The following GABRG3 variants were observed in gnomAD, a reference collection of about 807,000 sequenced individuals.
GABRG3 encodes gamma-aminobutyric acid type A receptor subunit gamma3, also known as gamma-aminobutyric acid receptor subunit gamma-3.
GABRG3 carries 25 observed loss-of-function variants against 48.8 expected under a neutral mutation model. That is an observed-to-expected ratio of 0.51 (90% CI 0.37 to 0.72). GABRG3 has a LOEUF of 0.72. Among genes scored for constraint, GABRG3 ranks in the 30% least tolerant of loss-of-function variants. GABRG3 has a pLI of 0.00. For missense variants in GABRG3, 394 were observed against 577.9 expected (o/e 0.68, Z 3.26); for synonymous variants, 227 against 217.6 (o/e 1.04, Z -0.38).
At chr15:27,412,773 T>C (rs539014307) in intron 5 of GABRG3, among the ~76,000 whole-genome samples, 17 of 152,312 alleles carry the variant, frequency 1.1e-4, no homozygotes, top group Admixed American at 1.1e-3. Context: ...AGTAAAGGAC[T>C]AGGATTTTGT....
rs567528863 is a variant in GABRG3 at position 27,180,055 on chromosome 15, C to T, written c.271-146754C>T. On this transcript the variant is annotated intron_variant, in intron 3 of 9. Transcript: ENST00000615808. This position sits in a 1 kb window ranked among gnomAD's most constrained non-coding sequence, Gnocchi z 4.2. ...GCCTTCTGCAGAGCCACTGCCTGATCGAACATCTCTGTGAGTCTTGGCCTT... is the reference window on the plus strand; with the variant it reads ...GCCTTCTGCAGAGCCACTGCCTGATTGAACATCTCTGTGAGTCTTGGCCTT... 3.3e-5 allele frequency among the ~76,000 whole-genome samples: 5 copies of T among 152,252 alleles called. No individual in the cohort carries two copies. Among genetic ancestry groups the T allele is most frequent in the African/African-American group, 1.2e-4 (5 of 41,536 alleles).
chr15:27,236,183 C>T lies in GABRG3; in HGVS notation c.271-90626C>T, dbSNP rs1889958178. ...TTTTCTGTAAACCGTGTCCGGCGTA[C>T]ATGGAAGCATCTCAGGAGGAAGCCT... On this transcript the variant is annotated intron_variant, in intron 3 of 9. Coordinates refer to ENST00000615808, the MANE Select transcript of GABRG3 (RefSeq NM_033223.5). This position sits in a 1 kb window ranked among gnomAD's most constrained non-coding sequence, Gnocchi z 4.4. Among the ~76,000 whole-genome samples, 1 of 152,166 alleles carries T rather than the reference C, an allele frequency of 6.6e-6. No individual in the cohort carries two copies. The highest frequency in any genetic ancestry group is 6.5e-5 in the Admixed American group (1 of 15,290).
At chr15:27,258,770 C>T (rs59440357) in intron 3 of GABRG3, among the ~76,000 whole-genome samples, 6,178 of 152,154 alleles carry the variant, frequency 0.041, 345 homozygotes, top group African/African-American at 0.13. Flanking sequence ...TCCTCTCTTC[C>T]AGCTTTTTGA....
chr15:27,138,546 C>T (rs562381668), intron 3 of GABRG3, among the ~76,000 whole-genome samples: 21 of 152,316 alleles, frequency 1.4e-4, no homozygotes, highest in African/African-American at 4.8e-4. Context: ...ATGAGTTCTG[C>T]ATGCGGATTA....
At chr15:27,433,440 C>T (rs941555589) in intron 5 of GABRG3, among the ~76,000 whole-genome samples, 2 of 152,208 alleles carry the variant, frequency 1.3e-5, no homozygotes, top group African/African-American at 4.8e-5. Context: ...TTCCCCTGGA[C>T]ATTCTCCTTC....
intron 3 of GABRG3, among the ~76,000 whole-genome samples, chr15:27,288,556 G>C (rs895972247): frequency 6.6e-5 from 10 of 152,016 alleles, no homozygotes; most frequent in Middle Eastern, 6.8e-3. Flanking sequence ...TGATCTGACA[G>C]GAGGTAGAGC....
At chr15:27,496,519 G>C (rs570510892) in intron 6 of GABRG3, among the ~76,000 whole-genome samples, 117 of 152,296 alleles carry the variant, frequency 7.7e-4, no homozygotes, top group Non-Finnish European at 1.5e-3. Context: ...GATGCAAAAA[G>C]ACAACCCAGG....
At chr15:27,088,349 G>A (rs1595516686) in intron 3 of GABRG3, among the ~76,000 whole-genome samples, 1 of 152,018 alleles carries the variant, frequency 6.6e-6, no homozygotes, top group Admixed American at 6.5e-5. Flanking sequence ...CTCTGGGGAA[G>A]CCCCAGGAGA....
At chr15:27,327,531 A>T (rs1566787672) in intron 4 of GABRG3, among the ~76,000 whole-genome samples, 1 of 152,210 alleles carries the variant, frequency 6.6e-6, no homozygotes, top group Non-Finnish European at 1.5e-5. Context: ...ACTCGCCCAC[A>T]GTCACCACTG....
intron 5 of GABRG3, among the ~76,000 whole-genome samples, chr15:27,403,910 A>C (rs1422392808): frequency 4.0e-5 from 5 of 125,304 alleles, no homozygotes; most frequent in African/African-American, 8.4e-5. Flanking sequence ...GACTCAAAAA[A>C]AAACAAAAAA....
At chr15:27,469,008 A>C (rs1023844374) in intron 5 of GABRG3, among the ~76,000 whole-genome samples, 1 of 152,192 alleles carries the variant, frequency 6.6e-6, no homozygotes, top group Non-Finnish European at 1.5e-5. Flanking sequence ...TGTAGGCGGA[A>C]GATATAAATA....
rs138715839 is a variant in GABRG3, at chr15:27,411,672, T to A, written c.575-68978T>A. On this transcript the variant is annotated intron_variant, in intron 5 of 9. Transcript: ENST00000615808. ...TATATGAGTCAGTTTTTTGCTTCTC[T>A]CTTACTGTATTCCTGTGTTTTTAAG... 7.2e-5 allele frequency among the ~76,000 whole-genome samples: 11 copies of A among 152,312 alleles called. No individual in the cohort carries two copies. In the East Asian group the frequency reaches 2.1e-3, roughly 29 times the overall value.
At chr15:27,287,893 C>T (rs1281751316) in intron 3 of GABRG3, among the ~76,000 whole-genome samples, 5 of 151,924 alleles carry the variant, frequency 3.3e-5, no homozygotes, top group African/African-American at 4.8e-5. Flanking sequence ...CACCCACCAC[C>T]ACACCTGGAT....
intron 3 of GABRG3, among the ~76,000 whole-genome samples, chr15:27,073,648 G>C (rs1334924994): frequency 6.6e-6 from 1 of 152,226 alleles, no homozygotes; most frequent in African/African-American, 2.4e-5. Flanking sequence ...AGCTCACCTT[G>C]TGAACTAGTT....
At chr15:27,017,244 C>T (rs1382970309) in intron 2 of GABRG3, among the ~76,000 whole-genome samples, 2 of 152,086 alleles carry the variant, frequency 1.3e-5, no homozygotes, top group East Asian at 1.9e-4. Context: ...GCGTACTCCC[C>T]GGACTTGCAC....
intron 5 of GABRG3, among the ~76,000 whole-genome samples, chr15:27,381,269 T>C (rs1463787869): frequency 1.3e-5 from 2 of 152,242 alleles, no homozygotes; most frequent in Admixed American, 6.5e-5. Context: ...AACAGTTTAC[T>C]TGAAGGTAGG....
chr15:27,002,494 T>G (rs1406564678), intron 2 of GABRG3, among the ~76,000 whole-genome samples: 2 of 152,232 alleles, frequency 1.3e-5, no homozygotes, highest in Admixed American at 6.5e-5. Context: ...AATATCTTAA[T>G]GAAGCCATTC....
intron 3 of GABRG3, among the ~76,000 whole-genome samples, chr15:27,114,089 C>T (rs941931015): frequency 4.0e-4 from 61 of 152,294 alleles, no homozygotes; most frequent in African/African-American, 1.3e-3. Context: ...ATTTCCAAGA[C>T]CTTTGGATAT....
chr15:27,270,836 A>C (rs1484152371), intron 3 of GABRG3, among the ~76,000 whole-genome samples: 9 of 152,228 alleles, frequency 5.9e-5, no homozygotes, highest in African/African-American at 1.2e-4. Flanking sequence ...CCCTTACCTC[A>C]TAAATGTGTA....
Sources: allele counts gnomAD v4.1 joint callset (sites outside exome capture counted in the v4.1 genomes callset), GRCh38; gene constraint gnomAD v4.1.1; non-coding constraint Gnocchi (gnomAD v3.1); transcripts MANE v1.5; gene names NCBI Gene and HGNC (gene_info 2026-07-23, HGNC 2026-07-21).